SMIM21: variants seen among roughly 807,000 people sequenced by gnomAD.
The protein encoded by SMIM21 is chromosome 18 open reading frame 62.
SMIM21 carries 8 observed loss-of-function variants against 8.6 expected under a neutral mutation model. That is an observed-to-expected ratio of 0.93 (90% CI 0.55 to 1.68). The LOEUF (loss-of-function observed/expected upper bound fraction) is 1.68, where lower values mean the gene tolerates loss of function less well. Among genes scored for constraint, SMIM21 ranks in the 40% most tolerant of loss-of-function variants. SMIM21 has a pLI of 0.00. For synonymous variants in SMIM21, 43 were observed against 41.7 expected, an observed-to-expected ratio of 1.03 and a Z score of -0.12; for missense variants, 132 against 123.0, an observed-to-expected ratio of 1.07 and a Z score of -0.35.
chr18:75,415,419 C>A (rs2024633004), intron 2 of SMIM21, among the ~76,000 whole-genome samples: 3 of 152,232 alleles, frequency 2.0e-5, no homozygotes, highest in Non-Finnish European at 4.4e-5. Context: ...AGGGAGAGGT[C>A]TCTGCTGCTG....
intron 2 of SMIM21, among the ~76,000 whole-genome samples, chr18:75,411,438 G>A (rs904569910): frequency 1.3e-4 from 20 of 152,350 alleles, no homozygotes; most frequent in Admixed American, 1.0e-3. Flanking sequence ...ACGGCTAACC[G>A]TTTTGCTGTC....
intron 2 of SMIM21, chr18:75,416,175 G>A (rs1464959920): frequency 2.0e-5 from 3 of 152,180 alleles, no homozygotes; most frequent in African/African-American, 7.2e-5. Flanking sequence ...AAGCTGCCTA[G>A]TTTTTCACAG....
chr18:75,423,908 T>C (rs1248319004), intron 1 of SMIM21, among the ~76,000 whole-genome samples: 2 of 152,234 alleles, frequency 1.3e-5, no homozygotes, highest in Non-Finnish European at 2.9e-5. Context: ...ACGGTCATTT[T>C]AGTGACACGT....
At chr18:75,423,309 CAGTT>C (rs1353813556) in intron 1 of SMIM21, among the ~76,000 whole-genome samples, 2 of 152,184 alleles carry the variant, frequency 1.3e-5, no homozygotes, top group African/African-American at 4.8e-5. Flanking sequence ...CTAGAGAAAT[CAGTT>C]AGAGAGGTTG....
intron 2 of SMIM21, among the ~76,000 whole-genome samples, chr18:75,411,617 G>A (rs573737680): frequency 2.6e-4 from 39 of 152,244 alleles, no homozygotes; most frequent in South Asian, 8.3e-4. Flanking sequence ...GGGTGACATC[G>A]TTAGCCAGCT....
At chr18:75,411,475 G>C (rs2024584364) in intron 2 of SMIM21, among the ~76,000 whole-genome samples, 2 of 152,236 alleles carry the variant, frequency 1.3e-5, no homozygotes, top group Admixed American at 6.5e-5. Flanking sequence ...ATCCTTGGAA[G>C]ATGAGACTGT....
intron 1 of SMIM21, among the ~76,000 whole-genome samples, chr18:75,422,223 A>T (rs2024717000): frequency 6.6e-6 from 1 of 152,180 alleles, no homozygotes. Context: ...ACAGGGGCGC[A>T]CCATGGAGAG....
intron 2 of SMIM21, among the ~76,000 whole-genome samples, chr18:75,412,975 A>G (rs568963966): frequency 2.0e-5 from 3 of 152,206 alleles, no homozygotes; most frequent in African/African-American, 7.2e-5. Flanking sequence ...TTGGGTCTAT[A>G]TATAGCCTCT....
At chr18:75,421,061 A>G (rs2144556356) in intron 1 of SMIM21, among the ~76,000 whole-genome samples, 1 of 152,316 alleles carries the variant, frequency 6.6e-6, no homozygotes, top group South Asian at 2.1e-4. Flanking sequence ...GGACTTCTCT[A>G]GAGTCTGAAT....
intron 1 of SMIM21, among the ~76,000 whole-genome samples, chr18:75,421,200 A>G (rs775035272): frequency 3.3e-5 from 5 of 152,180 alleles, no homozygotes; most frequent in Non-Finnish European, 7.3e-5. Context: ...AGAAATATCT[A>G]AAGTCTGTAG....
At chr18:75,413,143 G>A (rs1361908921) in intron 2 of SMIM21, among the ~76,000 whole-genome samples, 4 of 152,034 alleles carry the variant, frequency 2.6e-5, no homozygotes, top group Non-Finnish European at 5.9e-5. Flanking sequence ...TGTTCCTTGG[G>A]CATCCTAAGG....
intron 1 of SMIM21, among the ~76,000 whole-genome samples, chr18:75,420,222 T>C (rs1428671150): frequency 6.6e-6 from 1 of 152,208 alleles, no homozygotes; most frequent in Non-Finnish European, 1.5e-5. Flanking sequence ...TTGGGTTGTA[T>C]CATGTTTGAA....
intron 1 of SMIM21, among the ~76,000 whole-genome samples, chr18:75,423,294 G>T (rs1035301681): frequency 6.6e-6 from 1 of 152,198 alleles, no homozygotes; most frequent in Non-Finnish European, 1.5e-5. Context: ...GGCTCTCTTA[G>T]TGTCCTAGAG....
rs928693599 is a variant in SMIM21 at position 75,410,019 on chromosome 18, C to T, written c.*845G>A. 2.6e-5 allele frequency: 4 copies of T among 152,702 alleles called. No individual in the cohort carries two copies. Among genetic ancestry groups the T allele is most frequent in the Admixed American group, 1.3e-4 (2 of 15,284 alleles). 9.5% of individuals were successfully genotyped at this position (152,702 alleles called of 1,614,324 possible). A position where few individuals can be genotyped will look rare whatever the true frequency, so the allele number is the denominator to read the frequency against. On this transcript the variant is annotated 3_prime_UTR_variant, in exon 3 of 3. Coordinates refer to ENST00000579022, the MANE Select transcript of SMIM21 (RefSeq NM_001037331.3). ...TGTCAGGAGGTGCCACAACCTTAGA[C>T]GTAGCTCTTGTTGGTGTTAATTATT...
chr18:75,425,640 A>G (rs528904814), intron 1 of SMIM21, among the ~76,000 whole-genome samples: 2 of 152,342 alleles, frequency 1.3e-5, no homozygotes, highest in African/African-American at 4.8e-5. Context: ...TCAGTTATCA[A>G]CTGGCTTTCT....
intron 1 of SMIM21, among the ~76,000 whole-genome samples, chr18:75,421,232 TC>T (rs1355840277): frequency 6.6e-6 from 1 of 152,162 alleles, no homozygotes; most frequent in African/African-American, 2.4e-5. Context: ...CAAGTATAAT[TC>T]CTAATGGCAA....
chr18:75,421,698 C>T (rs2024710103), intron 1 of SMIM21, among the ~76,000 whole-genome samples: 1 of 152,108 alleles, frequency 6.6e-6, no homozygotes, highest in Admixed American at 6.5e-5. Flanking sequence ...GGCTGCAGGC[C>T]TGTAGGAGAA....
chr18:75,427,553 T>C lies in SMIM21; in HGVS notation c.11A>G (p.Tyr4Cys), dbSNP rs781247626. 6 of 1,610,790 alleles carry C rather than the reference T, an allele frequency of 3.7e-6. No homozygotes were observed. Among genetic ancestry groups the C allele is most frequent in the Non-Finnish European group, 5.1e-6 (6 of 1,178,432 alleles). The change falls in exon 1 of 3, where the codon TAT becomes TGT. Residue 4 changes from tyrosine (Y) to cysteine (C), a missense_variant. By Grantham distance (194) the Tyr-to-Cys change is radical. Coordinates refer to ENST00000579022, the MANE Select transcript of SMIM21 (RefSeq NM_001037331.3). MDQ[Y>C]VSTAPPRFPI... ...GAATCGGGGAGGAGCTGTGGACACATACTGGTCCATGTGGGGGCTGCGGCG... is the reference window on the plus strand; with the variant it reads ...GAATCGGGGAGGAGCTGTGGACACACACTGGTCCATGTGGGGGCTGCGGCG...
chr18:75,419,674 CA>C, intron 1 of SMIM21, among the ~76,000 whole-genome samples: 1 of 152,208 alleles, frequency 6.6e-6, no homozygotes. Context: ...AAACAATAAA[CA>C]CATAGCAAAT....
Sources: allele counts gnomAD v4.1 joint callset (sites outside exome capture counted in the v4.1 genomes callset), GRCh38; gene constraint gnomAD v4.1.1; transcripts MANE v1.5; gene names NCBI Gene and HGNC (gene_info 2026-07-23, HGNC 2026-07-21).